Variants in DPY19L2 observed in about 807,000 individuals in gnomAD.
The protein encoded by DPY19L2 is dpy-19 like 2.
Under a neutral mutation model 97.9 loss-of-function variants are expected in DPY19L2, and 34 were observed. That is an observed-to-expected ratio of 0.35 (90% CI 0.26 to 0.46). DPY19L2 has a LOEUF of 0.46. Ranked by LOEUF, DPY19L2 falls within the 20% of genes least tolerant of loss-of-function variation. The probability of loss-of-function intolerance (pLI) is 1.00; values close to 1 mark genes in which losing one functional copy is unlikely to be tolerated. For missense variants in DPY19L2, 623 were observed against 911.4 expected (o/e 0.68, Z 4.07); for synonymous variants, 230 against 307.9 (o/e 0.75, Z 2.65).
chr12:63,645,207 G>C (rs1019225670), intron 5 of DPY19L2, among the ~76,000 whole-genome samples: 2 of 152,128 alleles, frequency 1.3e-5, no homozygotes, highest in African/African-American at 4.8e-5. Flanking sequence ...CAGAACATAA[G>C]ATATTCAACT....
intron 16 of DPY19L2, among the ~76,000 whole-genome samples, chr12:63,588,337 C>T (rs1310988153): frequency 6.6e-6 from 1 of 152,134 alleles, no homozygotes; most frequent in East Asian, 1.9e-4. Context: ...TACTCTGCCT[C>T]TACTCTACAA....
rs556177919 is a variant in DPY19L2, at chr12:63,580,935, C to A, written c.1726-99G>T. 97 of 1,234,618 alleles carry A rather than the reference C, an allele frequency of 7.9e-5. 3 individuals carry two copies. In the South Asian group the frequency reaches 1.2e-3, roughly 16 times the overall value. The allele number at this position is 1,234,618 out of a possible 1,614,324, so 76.5% of individuals were successfully genotyped here. A position where few individuals can be genotyped will look rare whatever the true frequency, so the allele number is the denominator to read the frequency against. ...TTGTTACTCAAACCAATGTGAATTA[C>A]CCTTTGATATCAGCACACATGTATA... is the stretch of plus-strand genomic sequence containing the variant. On this transcript the variant is annotated intron_variant, in intron 18 of 21. Transcript: ENST00000324472.
At chr12:63,611,918 AT>A (rs1404035711) in intron 11 of DPY19L2, among the ~76,000 whole-genome samples, 2 of 152,084 alleles carry the variant, frequency 1.3e-5, no homozygotes, top group African/African-American at 4.8e-5. Context: ...AGATCTAAGA[AT>A]TTCAATTAAT....
chr12:63,623,005 AC>A (rs1210680453), intron 8 of DPY19L2, among the ~76,000 whole-genome samples: 1 of 152,122 alleles, frequency 6.6e-6, no homozygotes, highest in Non-Finnish European at 1.5e-5. Flanking sequence ...CAAACAAATG[AC>A]TTTTATATAA....
At chr12:63,645,459 A>C (rs1893288291) in intron 5 of DPY19L2, among the ~76,000 whole-genome samples, 1 of 152,042 alleles carries the variant, frequency 6.6e-6, no homozygotes, top group African/African-American at 2.4e-5. Flanking sequence ...TATACAGATG[A>C]CTCCAACTCT....
intron 4 of DPY19L2, among the ~76,000 whole-genome samples, chr12:63,657,474 C>G (rs1471932745): frequency 1.3e-5 from 2 of 152,108 alleles, no homozygotes; most frequent in Non-Finnish European, 2.9e-5. Flanking sequence ...CAGTCTTAGA[C>G]AGGTACTGTG....
At chr12:63,564,239 G>GAT (rs1224907285) in intron 21 of DPY19L2, among the ~76,000 whole-genome samples, 1 of 152,072 alleles carries the variant, frequency 6.6e-6, no homozygotes, top group Non-Finnish European at 1.5e-5. Context: ...CACTGATTTT[G>GAT]ATTCTAATCT....
chr12:63,630,231 G>A (rs1174268936), intron 6 of DPY19L2, among the ~76,000 whole-genome samples: 1 of 152,128 alleles, frequency 6.6e-6, no homozygotes, highest in East Asian at 1.9e-4. Flanking sequence ...AACCTTAAAT[G>A]TAAATGGGCT....
chr12:63,644,752 T>C (rs1015044059), intron 5 of DPY19L2, among the ~76,000 whole-genome samples: 1 of 152,086 alleles, frequency 6.6e-6, no homozygotes, highest in African/African-American at 2.4e-5. Context: ...TCACCCTTAA[T>C]GAGTGATTAT....
chr12:63,621,093 T>C (rs3852263), intron 9 of DPY19L2, 145 bp downstream of exon 9: 301,254 of 479,378 alleles, frequency 0.63, 91,708 homozygotes, highest in African/African-American at 0.79. Flanking sequence ...AGCTAATGCA[T>C]GCTGGGCTTA....
At chr12:63,586,849 T>C (rs138422135) in intron 16 of DPY19L2, among the ~76,000 whole-genome samples, 2,235 of 152,202 alleles carry the variant, frequency 0.015, 24 homozygotes, top group Non-Finnish European at 0.021. Context: ...AGAAATGGGA[T>C]ATAGCTAACA....
At chr12:63,661,002 C>T (rs1895601367) in intron 4 of DPY19L2, 1 of 160,100 alleles carries the variant, frequency 6.2e-6, no homozygotes, top group South Asian at 2.0e-4. Context: ...TCTTACTGTC[C>T]CTTCACGTGG....
At chr12:63,658,889 G>A (rs1176950499) in intron 4 of DPY19L2, among the ~76,000 whole-genome samples, 1 of 152,150 alleles carries the variant, frequency 6.6e-6, no homozygotes, top group Non-Finnish European at 1.5e-5. Context: ...TCCTAGGGAT[G>A]GGATGTGGGT....
chr12:63,610,620 TAAA>T (rs1886780293), intron 11 of DPY19L2, among the ~76,000 whole-genome samples: 1 of 150,736 alleles, frequency 6.6e-6, no homozygotes, highest in Non-Finnish European at 1.5e-5. Flanking sequence ...GAATCAGTAA[TAAA>T]AATTTTCTCA....
chr12:63,636,188 G>A (rs1891659358), intron 6 of DPY19L2, among the ~76,000 whole-genome samples: 1 of 152,134 alleles, frequency 6.6e-6, no homozygotes, highest in South Asian at 2.1e-4. Context: ...AGCTTCATAA[G>A]TGAAGGAGAA....
chr12:63,640,181 T>A (rs530754542), intron 6 of DPY19L2, among the ~76,000 whole-genome samples: 151 of 152,024 alleles, frequency 9.9e-4, no homozygotes, highest in African/African-American at 3.0e-3. Flanking sequence ...TTGGGGAACA[T>A]CACACACCGG....
intron 19 of DPY19L2, 100 bp downstream of exon 19, chr12:63,580,562 C>T (rs1880689148): frequency 7.9e-7 from 1 of 1,258,496 alleles, no homozygotes; most frequent in Non-Finnish European, 1.1e-6. Context: ...GTCATACACA[C>T]ATACACACAT....
rs1263266793 is a variant in DPY19L2, at chr12:63,559,608, T to C, written c.*904A>G. The stretch of plus-strand genomic sequence containing the variant: ...AAAAATATATTATTTAAGAAGATAG[T>C]GGCCAGAAATAAAGACCATGACCAA... On this transcript the variant is annotated 3_prime_UTR_variant, in exon 22 of 22. Coordinates refer to ENST00000324472, the MANE Select transcript of DPY19L2 (RefSeq NM_173812.5). The C allele has an allele frequency of 6.6e-6, 1 of 152,450 alleles. No homozygotes were observed. Among genetic ancestry groups the C allele is most frequent in the Admixed American group, 6.5e-5 (1 of 15,278 alleles). 9.4% of individuals were successfully genotyped at this position (152,450 alleles called of 1,614,324 possible).
At position 63,594,577 on chromosome 12, in the gene DPY19L2, T is replaced by TTGTG. The variant is rs1244921353; in HGVS notation, c.1534-445_1534-444insCACA. ...GAAACCTGGCTAGCTGTAGGGATGT[T>TTGTG]TGTATGTGTGTGTGTGTGCGTGCAC... On this transcript the variant is annotated intron_variant, in intron 15 of 21. Transcript: ENST00000324472. Among the ~76,000 whole-genome samples, 175 of 124,270 alleles carry TTGTG rather than the reference T, an allele frequency of 1.4e-3. 1 individual carries two copies. Among genetic ancestry groups the TTGTG allele is most frequent in the African/African-American group, 5.7e-3 (157 of 27,430 alleles). The allele number at this position is 124,270 out of a possible 152,430, so 81.5% of individuals were successfully genotyped here.
Sources: allele counts gnomAD v4.1 joint callset (sites outside exome capture counted in the v4.1 genomes callset), GRCh38; gene constraint gnomAD v4.1.1; transcripts MANE v1.5; gene names NCBI Gene and HGNC (gene_info 2026-07-23, HGNC 2026-07-21).